The following NKD1 variants were observed in gnomAD, a reference collection of about 807,000 sequenced individuals.
NKD1 encodes NKD inhibitor of Wnt signaling pathway 1.
A neutral mutation model predicts 56.0 loss-of-function variants in NKD1; 21 were observed. The observed-to-expected ratio is 0.38, with a 90% CI of 0.27 to 0.54. The LOEUF is 0.54. Ranked by LOEUF, NKD1 falls within the 20% of genes least tolerant of loss-of-function variation. The pLI is 0.82. For missense variants in NKD1, 578 were observed against 642.7 expected (o/e 0.90, Z 1.09); for synonymous variants, 263 against 265.7 (o/e 0.99, Z 0.10).
intron 3 of NKD1, among the ~76,000 whole-genome samples, chr16:50,588,598 C>CTTTT (rs574622414): frequency 2.9e-3 from 270 of 94,654 alleles, no homozygotes; most frequent in Non-Finnish European, 3.9e-3. Flanking sequence ...TTTTCTTCTG[C>CTTTT]TTTTTTTTTT....
chr16:50,631,000 C>A, intron 8 of NKD1, 90 bp downstream of exon 8: 2 of 992,704 alleles, frequency 2.0e-6, no homozygotes, highest in South Asian at 3.3e-5. Context: ...TTGCTCTGGT[C>A]TGTGTTCTCT....
At chr16:50,609,840 C>G (rs530968784) in intron 4 of NKD1, among the ~76,000 whole-genome samples, 1 of 152,284 alleles carries the variant, frequency 6.6e-6, no homozygotes, top group African/African-American at 2.4e-5. Context: ...GTCCCATGAA[C>G]AGAAAGCTTT....
chr16:50,627,125 T>C (rs1274506201), intron 6 of NKD1, among the ~76,000 whole-genome samples: 1 of 152,078 alleles, frequency 6.6e-6, no homozygotes, highest in Non-Finnish European at 1.5e-5. Context: ...AGTGACAGAA[T>C]ACATGCTCCA....
intron 3 of NKD1, chr16:50,606,923 G>A (rs1462730972): frequency 2.2e-6 from 1 of 456,734 alleles, no homozygotes; most frequent in Non-Finnish European, 4.4e-6. Flanking sequence ...CCACCTGTGT[G>A]CATCCCTTTC....
intron 3 of NKD1, chr16:50,607,591 A>G (rs1373910816): frequency 1.2e-4 from 19 of 154,224 alleles, no homozygotes. Context: ...ATACTTTTGA[A>G]AAACGAAGCT....
chr16:50,591,598 T>C (rs1961368693), intron 3 of NKD1, among the ~76,000 whole-genome samples: 1 of 152,214 alleles, frequency 6.6e-6, no homozygotes, highest in African/African-American at 2.4e-5. Flanking sequence ...TTCCTCTTTT[T>C]GTACAGATGA....
intron 3 of NKD1, among the ~76,000 whole-genome samples, chr16:50,587,365 T>G (rs1961253023): frequency 6.6e-6 from 1 of 152,206 alleles, no homozygotes; most frequent in African/African-American, 2.4e-5. Flanking sequence ...ATATGAGATT[T>G]TGTTTGCAGG....
rs77555281 is a variant in NKD1, at chr16:50,619,365, C to T, written c.260-2237C>T. Among the ~76,000 whole-genome samples the T allele has an allele frequency of 2.5e-3, 388 of 152,186 alleles. 4 individuals carry two copies. The highest frequency in any genetic ancestry group is 0.022 in the South Asian group (104 of 4,808). Reference sequence around the variant, plus strand: ...GCCAGCATTTGTTGAGCACTTACTGCGTGCCGGCCACTGTGCTCAGTAAGC... The same window carrying T: ...GCCAGCATTTGTTGAGCACTTACTGTGTGCCGGCCACTGTGCTCAGTAAGC... On this transcript the variant is annotated intron_variant, in intron 4 of 9. Transcript: ENST00000268459.
chr16:50,625,782 G>C (rs1003329736), intron 6 of NKD1, among the ~76,000 whole-genome samples: 2 of 152,252 alleles, frequency 1.3e-5, no homozygotes, highest in Admixed American at 1.3e-4. Context: ...AGAGAAGACA[G>C]GGAGGGAAGG....
intron 6 of NKD1, among the ~76,000 whole-genome samples, chr16:50,628,293 C>T (rs78477527): frequency 0.073 from 11,045 of 152,264 alleles, 518 homozygotes; most frequent in Middle Eastern, 0.12. Context: ...CTGAGCTGAG[C>T]GGCCGTGCCT....
At chr16:50,565,372 A>G (rs1960736263) in intron 3 of NKD1, among the ~76,000 whole-genome samples, 1 of 131,194 alleles carries the variant, frequency 7.6e-6, no homozygotes, top group Non-Finnish European at 1.6e-5. Context: ...ACTCCGTCTC[A>G]AAAAAAAAAA....
intron 3 of NKD1, chr16:50,555,488 T>C (rs1323733998): frequency 6.6e-6 from 1 of 152,532 alleles, no homozygotes. Context: ...GCCCTGCTGT[T>C]GTGTTGGGGG....
intron 3 of NKD1, chr16:50,572,858 A>G: frequency 1.0e-6 from 1 of 984,290 alleles, no homozygotes; most frequent in Non-Finnish European, 1.2e-6. Flanking sequence ...GACCAAAGTC[A>G]GTCTCTGGAG....
rs1388150377 is a variant in NKD1 at position 50,639,586 on chromosome 16, G to C, written c.*5805G>C. 6.6e-6 allele frequency: 1 copy of C among 152,266 alleles called. No homozygotes were observed. The highest frequency in any genetic ancestry group is 2.4e-5 in the African/African-American group (1 of 41,450). The allele number at this position is 152,266 out of a possible 1,614,324, so 9.4% of individuals were successfully genotyped here. Reference sequence around the variant, plus strand: ...ACCTCCAAAAACTTCATGGATGTTAGAGCAAGCAGCCATGCTGCAGCAGAG... The same window carrying C: ...ACCTCCAAAAACTTCATGGATGTTACAGCAAGCAGCCATGCTGCAGCAGAG... On this transcript the variant is annotated 3_prime_UTR_variant, in exon 10 of 10. Coordinates refer to ENST00000268459, the MANE Select transcript of NKD1 (RefSeq NM_033119.5).
At chr16:50,609,164 G>A (rs551720032) in intron 4 of NKD1, among the ~76,000 whole-genome samples, 1 of 152,338 alleles carries the variant, frequency 6.6e-6, no homozygotes, top group Admixed American at 6.5e-5. Flanking sequence ...GTGTTGTAGA[G>A]AGAATCAGGA....
At chr16:50,627,706 C>T (rs549190981) in intron 6 of NKD1, among the ~76,000 whole-genome samples, 62 of 152,342 alleles carry the variant, frequency 4.1e-4, no homozygotes, top group African/African-American at 1.3e-3. Context: ...TTCAGGCGTT[C>T]GTTCATGCAG....
At chr16:50,607,137 A>C (rs1442760836) in intron 3 of NKD1, 1 of 413,926 alleles carries the variant, frequency 2.4e-6, no homozygotes, top group Non-Finnish European at 4.9e-6. Context: ...CTTTTAAGAA[A>C]GAGTGTGTAA....
chr16:50,604,476 A>G lies in NKD1; in HGVS notation c.193-3818A>G, dbSNP rs1375528680. 2.6e-5 allele frequency among the ~76,000 whole-genome samples: 4 copies of G among 152,164 alleles called. No individual in the cohort carries two copies. The East Asian group carries it at 7.7e-4, about 29-fold the overall frequency. Reference sequence around the variant, plus strand: ...ACAATAGCAGGAGTAATAAACAGTAACTACTGACCTAATGAACCCCACTCA... The same window carrying G: ...ACAATAGCAGGAGTAATAAACAGTAGCTACTGACCTAATGAACCCCACTCA... On this transcript the variant is annotated intron_variant, in intron 3 of 9. Coordinates refer to ENST00000268459, the MANE Select transcript of NKD1 (RefSeq NM_033119.5).
intron 3 of NKD1, among the ~76,000 whole-genome samples, chr16:50,596,658 C>A (rs781225840): frequency 6.6e-5 from 10 of 152,238 alleles, no homozygotes; most frequent in Non-Finnish European, 1.0e-4. Flanking sequence ...TACAGAGCTG[C>A]ATTTGGTGGT....
Sources: gnomAD v4.1 joint callset for allele counts (sites outside exome capture counted in the v4.1 genomes callset) on GRCh38, gnomAD v4.1.1 for gene constraint, MANE v1.5 for transcripts, NCBI Gene and HGNC (gene_info 2026-07-23, HGNC 2026-07-21) for gene names.